The following LPIN1 variants were observed in gnomAD, a reference collection of about 807,000 sequenced individuals.
LPIN1 encodes phosphatidate phosphatase LPIN1.
A neutral mutation model predicts 107.5 loss-of-function variants in LPIN1; 71 were observed. The observed-to-expected ratio is 0.66, with a 90% CI of 0.55 to 0.80. The LOEUF (loss-of-function observed/expected upper bound fraction) is 0.80. LPIN1 is among the 30% of genes least tolerant of loss of function. The pLI, the probability that LPIN1 is intolerant of heterozygous loss-of-function variation, is 0.00. For missense variants in LPIN1, 1,043 were observed against 1,160.6 expected (o/e 0.90, Z 1.47); for synonymous variants, 445 against 452.6 (o/e 0.98, Z 0.21).
intron 6 of LPIN1, among the ~76,000 whole-genome samples, chr2:11,778,926 A>G (rs1673094736): frequency 6.6e-6 from 1 of 152,216 alleles, no homozygotes; most frequent in Non-Finnish European, 1.5e-5. Flanking sequence ...GTATTCCTGG[A>G]AGACATAAGA....
chr2:11,820,570 G>A (rs1024888421), intron 20 of LPIN1, 56 bp downstream of exon 20: 32 of 1,306,594 alleles, frequency 2.4e-5, no homozygotes, highest in Admixed American at 5.1e-5. Flanking sequence ...ATCTTAAAAC[G>A]GTGCTTCCCA....
At chr2:11,720,515 G>C (rs1234716391), upstream of LPIN1, among the ~76,000 whole-genome samples, 1 of 152,144 alleles carries the variant, frequency 6.6e-6, no homozygotes, top group Non-Finnish European at 1.5e-5. Context: ...CTGACATAGC[G>C]GGGGAGGTTG....
At chr2:11,689,639 G>A (rs4371339) in intron 1 of LPIN1, among the ~76,000 whole-genome samples, 27,091 of 152,166 alleles carry the variant, frequency 0.18, 2,993 homozygotes, top group South Asian at 0.26. Context: ...GGGCATGGGG[G>A]CTCATGCCTG....
intron 13 of LPIN1, among the ~76,000 whole-genome samples, chr2:11,794,699 C>T (rs1210250196): frequency 6.6e-6 from 1 of 152,208 alleles, no homozygotes; most frequent in Non-Finnish European, 1.5e-5. Flanking sequence ...CTGGTCTCTT[C>T]TGTCCTTGGG....
chr2:11,713,703 A>G, intron 1 of LPIN1: 2 of 1,068,764 alleles, frequency 1.9e-6, no homozygotes, highest in African/African-American at 3.1e-5. Flanking sequence ...CATTACCACC[A>G]CCTAATTCCA....
intron 1 of LPIN1, among the ~76,000 whole-genome samples, chr2:11,761,832 A>C (rs1336083420): frequency 6.6e-6 from 1 of 152,190 alleles, no homozygotes; most frequent in East Asian, 1.9e-4. Context: ...AAGAACAAAC[A>C]AACCATACAA....
chr2:11,704,434 G>T (rs1663029377), intron 1 of LPIN1, among the ~76,000 whole-genome samples: 1 of 152,208 alleles, frequency 6.6e-6, no homozygotes, highest in Non-Finnish European at 1.5e-5. Flanking sequence ...ACCCTGGATT[G>T]TGATGTGTCC....
intron 1 of LPIN1, among the ~76,000 whole-genome samples, chr2:11,683,623 G>GCCT (rs1661843978): frequency 6.6e-6 from 1 of 152,226 alleles, no homozygotes; most frequent in African/African-American, 2.4e-5. Context: ...CCTGCCTCCT[G>GCCT]CCTCCTCCTG....
intron 17 of LPIN1, among the ~76,000 whole-genome samples, chr2:11,814,788 G>T (rs528984125): frequency 5.9e-5 from 9 of 152,152 alleles, no homozygotes; most frequent in Non-Finnish European, 1.3e-4. Context: ...AGGTGAGCCA[G>T]TTTCATCCAT....
chr2:11,783,831 A>G lies in LPIN1; in HGVS notation c.1267A>G (p.Lys423Glu), dbSNP rs1351355141. The stretch of plus-strand genomic sequence containing the variant: ...ACTTGAGCCATTTGCCGTTTTAGAT[A>G]AACGAAGCCGACATCTTGGTGCTGA... ...KTDSPSRKRD[K>E]RSRHLGADGV... The change falls in exon 9 of 21, where the codon AAA becomes GAA. Residue 423 changes from lysine to glutamate, a missense_variant and splice_region_variant. By Grantham distance (56) the Lys-to-Glu change is moderately conservative. Coordinates refer to ENST00000674199, the MANE Select transcript of LPIN1 (RefSeq NM_001349206.2). 1 of 1,613,982 alleles carries G rather than the reference A, an allele frequency of 6.2e-7. No homozygotes were observed.
At position 11,824,860 on chromosome 2, in the gene LPIN1, C is replaced by T. The variant is rs993488560; in HGVS notation, c.*69C>T. 4.2e-5 allele frequency: 65 copies of T among 1,565,190 alleles called. No individual in the cohort carries two copies. The highest frequency in any genetic ancestry group is 5.5e-5 in the Non-Finnish European group (63 of 1,138,900). ...TCACCCATTAAAGGATAGGTCTCCC[C>T]GGAGTGCACAGCTCCACCTGGGAGC... is the stretch of plus-strand genomic sequence containing the variant. On this transcript the variant is annotated 3_prime_UTR_variant, in exon 21 of 21. Coordinates refer to ENST00000674199, the MANE Select transcript of LPIN1 (RefSeq NM_001349206.2).
At chr2:11,742,964 C>G (rs1666522625), upstream of LPIN1, among the ~76,000 whole-genome samples, 1 of 152,240 alleles carries the variant, frequency 6.6e-6, no homozygotes, top group Admixed American at 6.5e-5. Context: ...CTAGATTTGC[C>G]TAGGTCGGTG....
intron 14 of LPIN1, among the ~76,000 whole-genome samples, chr2:11,798,088 G>A (rs1677041834): frequency 6.6e-6 from 1 of 152,146 alleles, no homozygotes. Flanking sequence ...CACTCACTCC[G>A]TCCTGCTGCC....
chr2:11,813,075 G>T (rs1197240204), intron 17 of LPIN1, among the ~76,000 whole-genome samples: 1 of 152,190 alleles, frequency 6.6e-6, no homozygotes, highest in Non-Finnish European at 1.5e-5. Context: ...GAGTCTCGGG[G>T]TGAGTTGGGG....
intron 1 of LPIN1, among the ~76,000 whole-genome samples, chr2:11,750,021 G>A (rs1016435836): frequency 6.6e-6 from 1 of 152,206 alleles, no homozygotes. Context: ...GTTGACCACA[G>A]ACCCTGCATG....
chr2:11,799,932 C>T (rs922690799), intron 14 of LPIN1, among the ~76,000 whole-genome samples: 6 of 152,186 alleles, frequency 3.9e-5, no homozygotes, highest in Non-Finnish European at 5.9e-5. Flanking sequence ...TCAGGATCAG[C>T]CCCCAATGTC....
chr2:11,733,774 G>A (rs1037400863), intron 1 of LPIN1, among the ~76,000 whole-genome samples: 1 of 152,206 alleles, frequency 6.6e-6, no homozygotes, highest in African/African-American at 2.4e-5. Context: ...TTACAGGCGT[G>A]AGCCACTGCA....
chr2:11,792,628 C>A (rs1474705698), intron 13 of LPIN1, among the ~76,000 whole-genome samples: 1 of 152,210 alleles, frequency 6.6e-6, no homozygotes, highest in African/African-American at 2.4e-5. Flanking sequence ...AGCGATCTGC[C>A]TGCCTAGGCC....
At chr2:11,746,511 C>T (rs553669064), upstream of LPIN1, 24 of 285,508 alleles carry the variant, frequency 8.4e-5, no homozygotes, top group South Asian at 2.7e-3. Context: ...TGAAAGCAGC[C>T]GGGCCACCAG....
Sources: allele counts gnomAD v4.1 joint callset (sites outside exome capture counted in the v4.1 genomes callset), GRCh38; gene constraint gnomAD v4.1.1; transcripts MANE v1.5; gene names NCBI Gene and HGNC (gene_info 2026-07-23, HGNC 2026-07-21).